CDH4: variants seen among roughly 807,000 people sequenced by gnomAD.
CDH4 encodes the protein cadherin 4.
Under a neutral mutation model 86.0 loss-of-function variants are expected in CDH4, and 33 were observed. The observed-to-expected ratio is 0.38, with a 90% CI of 0.29 to 0.51. CDH4 has a LOEUF of 0.51. Ranked by LOEUF, CDH4 falls within the 20% of genes least tolerant of loss-of-function variation. The probability of loss-of-function intolerance (pLI) is 0.86; values close to 1 mark genes in which losing one functional copy is unlikely to be tolerated. For synonymous variants in CDH4, 555 were observed against 549.4 expected (o/e 1.01, Z -0.14); for missense variants, 1,114 against 1,307.4 (o/e 0.85, Z 2.28).
At chr20:61,835,486 C>G (rs1446892929) in intron 4 of CDH4, among the ~76,000 whole-genome samples, 1 of 152,194 alleles carries the variant, frequency 6.6e-6, no homozygotes, top group African/African-American at 2.4e-5. Flanking sequence ...CAGCCCCTGC[C>G]ATCATGAGGT....
At chr20:61,921,199 G>A (rs868449348) in intron 9 of CDH4, among the ~76,000 whole-genome samples, 5 of 100,130 alleles carry the variant, frequency 5.0e-5, no homozygotes, top group South Asian at 3.0e-4. Flanking sequence ...GCGTGGTGTC[G>A]TGATTGCATG....
chr20:61,331,037 T>C (rs2084569757), intron 2 of CDH4, among the ~76,000 whole-genome samples: 1 of 152,116 alleles, frequency 6.6e-6, no homozygotes, highest in African/African-American at 2.4e-5. Flanking sequence ...TCATTCGAGA[T>C]TCTGCAATTT....
At chr20:61,792,954 G>GTTTTTT (rs574668671) in intron 4 of CDH4, among the ~76,000 whole-genome samples, 1 of 127,286 alleles carries the variant, frequency 7.9e-6, no homozygotes, top group East Asian at 2.6e-4. Context: ...TGGCCTATGT[G>GTTTTTT]TTTTTTTTGT....
At chr20:61,692,115 A>G (rs1568758925) in intron 2 of CDH4, among the ~76,000 whole-genome samples, 1 of 149,280 alleles carries the variant, frequency 6.7e-6, no homozygotes, top group Non-Finnish European at 1.5e-5. Flanking sequence ...GTGTGTATGC[A>G]TGTGTGTGTC....
At chr20:61,454,348 G>A (rs1406452357) in intron 2 of CDH4, among the ~76,000 whole-genome samples, 1 of 152,214 alleles carries the variant, frequency 6.6e-6, no homozygotes, top group South Asian at 2.1e-4. Context: ...TGGGGGGAAG[G>A]TTGTGATGGG....
intron 2 of CDH4, among the ~76,000 whole-genome samples, chr20:61,426,566 C>T (rs1030661370): frequency 1.3e-5 from 2 of 152,176 alleles, no homozygotes; most frequent in Non-Finnish European, 2.9e-5. Context: ...CCTGCCTTTC[C>T]GCTGTATGTG....
intron 2 of CDH4, among the ~76,000 whole-genome samples, chr20:61,670,545 T>C (rs1016758106): frequency 1.2e-4 from 19 of 152,176 alleles, no homozygotes; most frequent in African/African-American, 4.6e-4. Flanking sequence ...TACCGAATAC[T>C]GGAGGTACCA....
intron 2 of CDH4, among the ~76,000 whole-genome samples, chr20:61,478,905 G>A (rs1038581915): frequency 2.0e-5 from 3 of 152,120 alleles, no homozygotes; most frequent in Admixed American, 6.6e-5. Context: ...GTTTGCCTGC[G>A]AGCGATTCTA....
intron 2 of CDH4, among the ~76,000 whole-genome samples, chr20:61,655,508 C>T (rs1458401574): frequency 1.3e-5 from 2 of 152,364 alleles, no homozygotes; most frequent in Non-Finnish European, 2.9e-5. Flanking sequence ...GCCTCTTTGA[C>T]CACTGCCGTG....
rs1316945729 is a variant in CDH4, at chr20:61,754,775, C to T, written c.396+10986C>T. Among the ~76,000 whole-genome samples, 1 of 147,808 alleles carries T rather than the reference C, an allele frequency of 6.8e-6. No homozygotes were observed. The highest frequency in any genetic ancestry group is 1.5e-5 in the Non-Finnish European group (1 of 67,158). On this transcript the variant is annotated intron_variant, in intron 3 of 15. Coordinates refer to ENST00000614565, the MANE Select transcript of CDH4 (RefSeq NM_001794.5). The surrounding 1 kb of genome is among the most constrained non-coding windows in gnomAD (Gnocchi z 4.7). ...CCACACACACAGTGCATGCCACACA[C>T]ACCACACACACACTGCACGCCACAC...
At chr20:61,742,206 G>A (rs2088349068) in intron 2 of CDH4, among the ~76,000 whole-genome samples, 1 of 152,160 alleles carries the variant, frequency 6.6e-6, no homozygotes, top group Non-Finnish European at 1.5e-5. Flanking sequence ...TGCCTGGGTT[G>A]ATCCTGTCCA....
intron 2 of CDH4, among the ~76,000 whole-genome samples, chr20:61,273,365 T>A (rs2123143029): frequency 1.6e-5 from 2 of 121,818 alleles, no homozygotes; most frequent in South Asian, 6.1e-4. Flanking sequence ...GGGAGTACCG[T>A]GTGCAGTTTA....
chr20:61,541,077 G>A (rs142274757), intron 2 of CDH4, among the ~76,000 whole-genome samples: 7 of 152,272 alleles, frequency 4.6e-5, no homozygotes, highest in East Asian at 1.9e-4. Context: ...CATTTTACCC[G>A]TGTGCTCGGA....
Position 61,457,739 on chromosome 20 carries a change from T to TGGC in CDH4, c.169+202805_169+202807dup, listed in dbSNP as rs530299226. ...GTGATGGCAGTGCTGACACTGGTGG[T>TGGC]GGCGGTGGTGGTGGTAGTCTTATCA... On this transcript the variant is annotated intron_variant, in intron 2 of 15. Transcript: ENST00000614565. Among the ~76,000 whole-genome samples the TGGC allele has an allele frequency of 4.0e-5, 6 of 149,952 alleles. No individual in the cohort carries two copies. The South Asian group carries it at 8.5e-4, about 21-fold the overall frequency.
intron 13 of CDH4, among the ~76,000 whole-genome samples, chr20:61,931,206 G>A (rs1279710065): frequency 6.6e-6 from 1 of 152,260 alleles, no homozygotes; most frequent in Non-Finnish European, 1.5e-5. Context: ...CCTCTTCAAA[G>A]GTTCTTGGCC....
At chr20:61,482,927 C>A (rs2085576096) in intron 2 of CDH4, among the ~76,000 whole-genome samples, 1 of 152,210 alleles carries the variant, frequency 6.6e-6, no homozygotes, top group Admixed American at 6.5e-5. Flanking sequence ...GATCAAGAAG[C>A]CGAGGCACAG....
In CDH4 at chr20:61,385,277, C is replaced by T. The variant is rs559272789; in HGVS notation, c.169+130340C>T. On this transcript the variant is annotated intron_variant, in intron 2 of 15. Coordinates refer to ENST00000614565, the MANE Select transcript of CDH4 (RefSeq NM_001794.5). ...TGCACTTTGAAGTGGCAGCGTTCTG[C>T]GATCTGTCTCCTACAAGACCATCCA... Among the ~76,000 whole-genome samples the T allele has an allele frequency of 9.9e-5, 15 of 152,230 alleles. No homozygotes were observed. The South Asian group carries it at 1.7e-3, about 17-fold the overall frequency.
At chr20:61,468,189 C>T (rs896490631) in intron 2 of CDH4, among the ~76,000 whole-genome samples, 2 of 152,188 alleles carry the variant, frequency 1.3e-5, no homozygotes. Context: ...TGGGAGCCAA[C>T]TGATTCTGTA....
intron 2 of CDH4, among the ~76,000 whole-genome samples, chr20:61,688,539 CCTG>C (rs928793201): frequency 6.6e-6 from 1 of 152,240 alleles, no homozygotes; most frequent in African/African-American, 2.4e-5. Context: ...GGGCAGGACA[CCTG>C]CTTCTCGGCC....
Sources: gnomAD v4.1 joint callset for allele counts (sites outside exome capture counted in the v4.1 genomes callset) on GRCh38, gnomAD v4.1.1 for gene constraint, Gnocchi (gnomAD v3.1) non-coding constraint, MANE v1.5 for transcripts, NCBI Gene and HGNC (gene_info 2026-07-23, HGNC 2026-07-21) for gene names.